The following RALGAPA2 variants were observed in gnomAD, a reference collection of about 807,000 sequenced individuals.
RALGAPA2 encodes Ral GTPase activating protein catalytic subunit alpha 2.
A neutral mutation model predicts 230.4 loss-of-function variants in RALGAPA2; 139 were observed. The observed-to-expected ratio is 0.60, with a 90% confidence interval of 0.53 to 0.69. RALGAPA2 has a LOEUF of 0.69. Among genes scored for constraint, RALGAPA2 ranks in the 30% least tolerant of loss-of-function variants. The pLI, the probability that RALGAPA2 is intolerant of heterozygous loss-of-function variation, is 0.00. For synonymous variants in RALGAPA2, 847 were observed against 837.8 expected (o/e 1.01, Z -0.19); for missense variants, 2,163 against 2,276.0 (o/e 0.95, Z 1.01).
chr20:20,635,292 A>T (rs1275104736), intron 9 of RALGAPA2, 126 bp downstream of exon 9: 2 of 1,019,536 alleles, frequency 2.0e-6, no homozygotes, highest in Non-Finnish European at 1.5e-6. Flanking sequence ...GTAGGCCAAT[A>T]AAATCACTTA....
chr20:20,464,672 A>C (rs1365913030), intron 37 of RALGAPA2, among the ~76,000 whole-genome samples: 1 of 152,220 alleles, frequency 6.6e-6, no homozygotes, highest in East Asian at 1.9e-4. Context: ...AGATTCTGTT[A>C]ATTTAAAATC....
intron 23 of RALGAPA2, among the ~76,000 whole-genome samples, chr20:20,547,769 G>A (rs1364377626): frequency 6.6e-6 from 1 of 152,150 alleles, no homozygotes; most frequent in African/African-American, 2.4e-5. Context: ...TTATGATGAG[G>A]ATACATTCTA....
At chr20:20,615,568 C>A (rs114728306) in intron 13 of RALGAPA2, among the ~76,000 whole-genome samples, 5 of 152,072 alleles carry the variant, frequency 3.3e-5, no homozygotes, top group African/African-American at 1.2e-4. Flanking sequence ...AAGGAAAAAA[C>A]GTAGTTTTAA....
intron 21 of RALGAPA2, among the ~76,000 whole-genome samples, chr20:20,572,432 G>A (rs2064675341): frequency 7.0e-6 from 1 of 142,068 alleles, no homozygotes; most frequent in African/African-American, 2.6e-5. Flanking sequence ...GACAGGGCAA[G>A]CAAGACTCCA....
intron 16 of RALGAPA2, among the ~76,000 whole-genome samples, chr20:20,599,205 T>C (rs1222182630): frequency 6.6e-6 from 1 of 152,228 alleles, no homozygotes; most frequent in African/African-American, 2.4e-5. Flanking sequence ...TATCTGGCCT[T>C]CATTCAGAAG....
At position 20,437,388 on chromosome 20, in the gene RALGAPA2, T is replaced by C. The variant is rs1449221328; in HGVS notation, c.5496-25240A>G. On this transcript the variant is annotated intron_variant, in intron 37 of 39. Coordinates refer to ENST00000202677, the MANE Select transcript of RALGAPA2 (RefSeq NM_020343.4). The surrounding 1 kb of genome is among the most constrained non-coding windows in gnomAD (Gnocchi z 4.1). ...CCATTGTCATTTCGTTCCTGGATTA[T>C]GGCTGTGGCCTCCTACCTCTTCTGG... is the stretch of plus-strand genomic sequence containing the variant. Among the ~76,000 whole-genome samples, 1 of 152,168 alleles carries C rather than the reference T, an allele frequency of 6.6e-6. No homozygotes were observed. Among genetic ancestry groups the C allele is most frequent in the African/African-American group, 2.4e-5 (1 of 41,450 alleles).
chr20:20,485,766 T>C (rs530464038), intron 36 of RALGAPA2, among the ~76,000 whole-genome samples: 1 of 152,372 alleles, frequency 6.6e-6, no homozygotes, highest in South Asian at 2.1e-4. Context: ...TATCATTTAT[T>C]ATTCATCCAT....
In RALGAPA2 at chr20:20,589,416, T is replaced by C. The variant is rs2065223284; in HGVS notation, c.2342-51A>G. Reference sequence around the variant, plus strand: ...GCGGAAATAGAAGGAATGTTTCAGATAGTAAAACCGGAAAATGATTTTATA... The same window carrying C: ...GCGGAAATAGAAGGAATGTTTCAGACAGTAAAACCGGAAAATGATTTTATA... On this transcript the variant is annotated intron_variant, in intron 17 of 39. Transcript: ENST00000202677. The C allele has an allele frequency of 3.3e-6, 5 of 1,505,314 alleles. No homozygotes were observed. The South Asian group carries it at 3.7e-5, about 11-fold the overall frequency. The allele number at this position is 1,505,314 out of a possible 1,614,324, so 93.2% of individuals were successfully genotyped here.
At chr20:20,628,012 C>T (rs1334783335) in intron 10 of RALGAPA2, among the ~76,000 whole-genome samples, 1 of 152,064 alleles carries the variant, frequency 6.6e-6, no homozygotes, top group African/African-American at 2.4e-5. Flanking sequence ...AGAGAAGACA[C>T]AGAGAGTGAG....
intron 24 of RALGAPA2, among the ~76,000 whole-genome samples, chr20:20,541,113 T>C (rs73124407): frequency 3.9e-4 from 59 of 150,144 alleles, no homozygotes; most frequent in Non-Finnish European, 8.1e-4. Flanking sequence ...CATCCTTGCC[T>C]ACACGTATCT....
intron 36 of RALGAPA2, among the ~76,000 whole-genome samples, chr20:20,483,789 A>T (rs1312424631): frequency 2.6e-5 from 4 of 152,226 alleles, no homozygotes; most frequent in Non-Finnish European, 5.9e-5. Flanking sequence ...ACAATCAAGA[A>T]GTTCTAACGA....
At chr20:20,491,093 T>C (rs1767477863) in intron 36 of RALGAPA2, among the ~76,000 whole-genome samples, 1 of 151,928 alleles carries the variant, frequency 6.6e-6, no homozygotes, top group Non-Finnish European at 1.5e-5. Context: ...ATTTCACAGC[T>C]GAGGAAGCTA....
At chr20:20,610,459 T>C (rs1249605192) in intron 14 of RALGAPA2, among the ~76,000 whole-genome samples, 1 of 152,292 alleles carries the variant, frequency 6.6e-6, no homozygotes, top group East Asian at 1.9e-4. Context: ...CAGGCATCTC[T>C]TTGGCTCTCT....
At chr20:20,486,378 T>G (rs1383287835) in intron 36 of RALGAPA2, among the ~76,000 whole-genome samples, 1 of 151,966 alleles carries the variant, frequency 6.6e-6, no homozygotes, top group Non-Finnish European at 1.5e-5. Flanking sequence ...GGTTGGTAGT[T>G]TTTTGTTTTT....
At chr20:20,493,696 A>G (rs2062126284) in intron 36 of RALGAPA2, among the ~76,000 whole-genome samples, 1 of 152,188 alleles carries the variant, frequency 6.6e-6, no homozygotes, top group African/African-American at 2.4e-5. Flanking sequence ...TGAAAGCTAT[A>G]AGACACTAAA....
chr20:20,697,048 T>C (rs1346673245), intron 1 of RALGAPA2, among the ~76,000 whole-genome samples: 1 of 152,152 alleles, frequency 6.6e-6, no homozygotes, highest in East Asian at 1.9e-4. Flanking sequence ...TTATTTATTG[T>C]CCATCCACCC....
intron 1 of RALGAPA2, among the ~76,000 whole-genome samples, chr20:20,687,996 T>C (rs928700766): frequency 1.3e-5 from 2 of 152,152 alleles, no homozygotes; most frequent in African/African-American, 4.8e-5. Flanking sequence ...CGTGCAGTAA[T>C]GTGCTAACTG....
At chr20:20,670,350 A>G (rs148816045) in intron 3 of RALGAPA2, among the ~76,000 whole-genome samples, 1 of 152,382 alleles carries the variant, frequency 6.6e-6, no homozygotes, top group East Asian at 1.9e-4. Context: ...GAGTTAGACT[A>G]AAGGTTAAAT....
Position 20,435,083 on chromosome 20 carries a change from C to T in RALGAPA2, c.5496-22935G>A, listed in dbSNP as rs548219436. Among the ~76,000 whole-genome samples, 18 of 152,358 alleles carry T rather than the reference C, an allele frequency of 1.2e-4. No individual in the cohort carries two copies. The South Asian group carries it at 3.5e-3, about 30-fold the overall frequency. ...CAATGTGGACTCTGTTCTTCACCTA[C>T]GATTCTTGAATGCCATGTTTGCCAA... On this transcript the variant is annotated intron_variant, in intron 37 of 39. Transcript: ENST00000202677.
Sources: allele counts gnomAD v4.1 joint callset (sites outside exome capture counted in the v4.1 genomes callset), GRCh38; gene constraint gnomAD v4.1.1; non-coding constraint Gnocchi (gnomAD v3.1); transcripts MANE v1.5; gene names NCBI Gene and HGNC (gene_info 2026-07-23, HGNC 2026-07-21).